Variants in MYT1L observed in about 807,000 individuals in gnomAD.
MYT1L encodes myelin transcription factor 1-like protein.
A neutral mutation model predicts 126.7 loss-of-function variants in MYT1L; 12 were observed. The ratio of observed to expected loss-of-function variants is 0.09; its 90% CI spans 0.06 to 0.15. The LOEUF (loss-of-function observed/expected upper bound fraction) is 0.15. Ranked by LOEUF, MYT1L falls within the 10% of genes least tolerant of loss-of-function variation. MYT1L has a pLI of 1.00. For missense variants in MYT1L, 979 were observed against 1,585.2 expected, an observed-to-expected ratio of 0.62 and a Z score of 6.49; for synonymous variants, 541 against 604.2, an observed-to-expected ratio of 0.90 and a Z score of 1.53.
intron 9 of MYT1L, among the ~76,000 whole-genome samples, chr2:1,940,111 G>A (rs2056468525): frequency 6.6e-6 from 1 of 152,262 alleles, no homozygotes; most frequent in Non-Finnish European, 1.5e-5. Context: ...AAAGGGAGTG[G>A]AGTATCACGC....
intron 8 of MYT1L, among the ~76,000 whole-genome samples, chr2:1,957,149 T>C (rs1363903982): frequency 6.6e-6 from 1 of 152,188 alleles, no homozygotes; most frequent in Non-Finnish European, 1.5e-5. Context: ...GAGATAGGGT[T>C]CACTGGGCGC....
At chr2:1,855,284 A>G (rs530818564) in intron 18 of MYT1L, among the ~76,000 whole-genome samples, 12 of 152,186 alleles carry the variant, frequency 7.9e-5, no homozygotes, top group Non-Finnish European at 1.6e-4. Context: ...GTGGCGTGAA[A>G]TCGATTTACA....
chr2:2,265,160 T>A (rs1363603689), intron 2 of MYT1L, among the ~76,000 whole-genome samples: 1 of 152,040 alleles, frequency 6.6e-6, no homozygotes, highest in South Asian at 2.1e-4. Flanking sequence ...CCCAAGTAGC[T>A]GGGATTACAG....
intron 2 of MYT1L, among the ~76,000 whole-genome samples, chr2:2,178,960 C>T (rs747358073): frequency 1.3e-5 from 2 of 152,134 alleles, no homozygotes; most frequent in Non-Finnish European, 2.9e-5. Context: ...CTTCAGGGCA[C>T]ACGGGAGAAG....
chr2:1,911,564 C>G (rs976935567), intron 12 of MYT1L, among the ~76,000 whole-genome samples: 2 of 152,128 alleles, frequency 1.3e-5, no homozygotes, highest in Admixed American at 1.3e-4. Context: ...CAGACCACCC[C>G]CCAACCTGCT....
rs1468227458 is a variant in MYT1L at position 1,943,167 on chromosome 2, C to T, written c.320G>A (p.Gly107Glu). ...ATCATTGTCCTCGGAGTACTCCTCCCCCTCATCCTCCTCCTTCTCATCCAT... is the reference window on the plus strand; with the variant it reads ...ATCATTGTCCTCGGAGTACTCCTCCTCCTCATCCTCCTCCTTCTCATCCAT... ...EDMDEKEEDE[G>E]EEYSEDNDEP... Residue 107 changes from glycine to glutamate, a missense_variant, in exon 9 of 25, where the codon GGG becomes GAG. By Grantham distance (98) the Gly-to-Glu change is moderately conservative (BLOSUM62 -2). Coordinates refer to ENST00000647738, the MANE Select transcript of MYT1L (RefSeq NM_001303052.2). This position sits in a 1 kb window ranked among gnomAD's most constrained non-coding sequence, Gnocchi z 4.4. 1.3e-6 allele frequency: 2 copies of T among 1,546,354 alleles called. No individual in the cohort carries two copies. The highest frequency in any genetic ancestry group is 2.4e-5 in the South Asian group (2 of 83,886).
chr2:1,894,807 G>A (rs1241230070), intron 14 of MYT1L, among the ~76,000 whole-genome samples: 1 of 152,132 alleles, frequency 6.6e-6, no homozygotes, highest in Admixed American at 6.5e-5. Flanking sequence ...TCCCGCTGAC[G>A]CCCAGAGACT....
At chr2:2,148,983 C>T (rs1055956624) in intron 3 of MYT1L, among the ~76,000 whole-genome samples, 3 of 152,146 alleles carry the variant, frequency 2.0e-5, no homozygotes, top group African/African-American at 7.2e-5. Context: ...TGTTACAAGC[C>T]TTGCTCTTAT....
chr2:2,223,308 A>AT (rs1268956841), intron 2 of MYT1L, among the ~76,000 whole-genome samples: 3 of 152,314 alleles, frequency 2.0e-5, no homozygotes, highest in South Asian at 2.1e-4. Context: ...GTCCCTTAAT[A>AT]TTTTTTCACA....
intron 2 of MYT1L, among the ~76,000 whole-genome samples, chr2:2,235,474 C>T (rs1243486898): frequency 1.3e-5 from 2 of 152,156 alleles, no homozygotes; most frequent in Admixed American, 6.5e-5. Flanking sequence ...TCACAGCATC[C>T]CTTAGTGGGG....
At position 2,059,356 on chromosome 2, in the gene MYT1L, C is replaced by T. The variant is rs999174393; in HGVS notation, c.-303-5233G>A. Among the ~76,000 whole-genome samples, 4 of 152,136 alleles carry T rather than the reference C, an allele frequency of 2.6e-5. No individual in the cohort carries two copies. Among genetic ancestry groups the T allele is most frequent in the African/African-American group, 9.7e-5 (4 of 41,434 alleles). On this transcript the variant is annotated intron_variant, in intron 3 of 24. Transcript: ENST00000647738. This position sits in a 1 kb window ranked among gnomAD's most constrained non-coding sequence, Gnocchi z 4.7. ...ATGCAACACAAAACATGCAGGGCACCGCAGTAAGCACCCGACGGTCTCGTG... is the reference window on the plus strand; with the variant it reads ...ATGCAACACAAAACATGCAGGGCACTGCAGTAAGCACCCGACGGTCTCGTG...
At chr2:1,893,964 C>T (rs962246513) in intron 14 of MYT1L, among the ~76,000 whole-genome samples, 4 of 152,204 alleles carry the variant, frequency 2.6e-5, no homozygotes, top group South Asian at 2.1e-4. Context: ...AGGCTGTCTT[C>T]GTCTCAGCCT....
At chr2:1,844,979 T>G (rs1270748264) in intron 19 of MYT1L, among the ~76,000 whole-genome samples, 1 of 57,456 alleles carries the variant, frequency 1.7e-5, no homozygotes, top group South Asian at 4.1e-4. Flanking sequence ...CCATCTTCCT[T>G]TTTTTTTTTT....
intron 9 of MYT1L, among the ~76,000 whole-genome samples, chr2:1,932,844 G>A (rs1379481532): frequency 6.6e-6 from 1 of 152,172 alleles, no homozygotes; most frequent in African/African-American, 2.4e-5. Flanking sequence ...GGAAGGGCAG[G>A]TGGAGGGCTG....
chr2:1,909,399 A>C (rs2051559260), intron 13 of MYT1L, among the ~76,000 whole-genome samples: 1 of 152,240 alleles, frequency 6.6e-6, no homozygotes, highest in Non-Finnish European at 1.5e-5. Flanking sequence ...TGAACAGTAG[A>C]ATATACGTAG....
intron 1 of MYT1L, among the ~76,000 whole-genome samples, chr2:2,313,100 T>C (rs551652200): frequency 6.6e-6 from 1 of 152,300 alleles, no homozygotes; most frequent in East Asian, 1.9e-4. Flanking sequence ...AGAATATATA[T>C]GACTGAAGGA....
chr2:1,836,902 C>G (rs1234901500), intron 21 of MYT1L, among the ~76,000 whole-genome samples: 1 of 152,220 alleles, frequency 6.6e-6, no homozygotes, highest in Non-Finnish European at 1.5e-5. Flanking sequence ...GCCAGGGACC[C>G]TGGGGAAGAG....
chr2:2,002,481 GGTAA>G (rs1446188021), intron 4 of MYT1L, among the ~76,000 whole-genome samples: 2 of 152,196 alleles, frequency 1.3e-5, no homozygotes, highest in Non-Finnish European at 2.9e-5. Flanking sequence ...GGATGCCACT[GGTAA>G]GTGTCAGGCC....
chr2:2,324,685 C>T (rs1174948500), intron 1 of MYT1L: 1 of 152,764 alleles, frequency 6.5e-6, no homozygotes, highest in Non-Finnish European at 1.5e-5. Flanking sequence ...CGAGTCCCGC[C>T]TGTGCTGCGT....
Sources: gnomAD v4.1 joint callset for allele counts (sites outside exome capture counted in the v4.1 genomes callset) on GRCh38, gnomAD v4.1.1 for gene constraint, Gnocchi (gnomAD v3.1) non-coding constraint, MANE v1.5 for transcripts, NCBI Gene and HGNC (gene_info 2026-07-23, HGNC 2026-07-21) for gene names.